Variants in CHST11 observed in about 807,000 individuals in gnomAD.
CHST11 encodes carbohydrate sulfotransferase 11.
CHST11 carries 9 observed loss-of-function variants against 30.4 expected under a neutral mutation model. That is an observed-to-expected ratio of 0.30 (90% CI 0.18 to 0.52). The LOEUF (loss-of-function observed/expected upper bound fraction) is 0.52. Among genes scored for constraint, CHST11 ranks in the 20% least tolerant of loss-of-function variants. The probability of loss-of-function intolerance (pLI) is 0.97; values close to 1 mark genes in which losing one functional copy is unlikely to be tolerated. For synonymous variants in CHST11, 152 were observed against 187.8 expected (o/e 0.81, Z 1.56); for missense variants, 348 against 460.6 (o/e 0.76, Z 2.24).
At chr12:104,719,702 G>A (rs1382693291) in intron 2 of CHST11, among the ~76,000 whole-genome samples, 1 of 152,194 alleles carries the variant, frequency 6.6e-6, no homozygotes, top group Non-Finnish European at 1.5e-5. Context: ...TTTATTTTCA[G>A]TGTTCTTCAG....
At chr12:104,588,471 G>A (rs1480769885) in intron 1 of CHST11, among the ~76,000 whole-genome samples, 2 of 152,210 alleles carry the variant, frequency 1.3e-5, no homozygotes, top group African/African-American at 4.8e-5. Context: ...TGCTCTGAGT[G>A]GGTTCCTGCA....
In CHST11 at chr12:104,595,697, G is replaced by A. The variant is rs2038901172; in HGVS notation, c.119-6209G>A. ...ACATGGACAGTTTTTGAGTGCCATG[G>A]ACCAGGCTAGTTGAGTGCCATGGAC... On this transcript the variant is annotated intron_variant, in intron 1 of 2. Coordinates refer to ENST00000303694, the MANE Select transcript of CHST11 (RefSeq NM_018413.6). Among the ~76,000 whole-genome samples the A allele has an allele frequency of 2.6e-5, 4 of 152,128 alleles. No homozygotes were observed. The South Asian group carries it at 8.3e-4, about 31-fold the overall frequency.
intron 2 of CHST11, among the ~76,000 whole-genome samples, chr12:104,735,024 C>T (rs1433920999): frequency 6.6e-6 from 1 of 152,202 alleles, no homozygotes; most frequent in African/African-American, 2.4e-5. Flanking sequence ...AGCTCCTGCT[C>T]TGGGGGCAGG....
chr12:104,599,546 A>G (rs1269972886), intron 1 of CHST11, among the ~76,000 whole-genome samples: 1 of 152,276 alleles, frequency 6.6e-6, no homozygotes, highest in African/African-American at 2.4e-5. Context: ...TTTGGTGGAA[A>G]TGAAAAATGA....
At chr12:104,604,733 G>C (rs1437538015) in intron 2 of CHST11, among the ~76,000 whole-genome samples, 2 of 152,154 alleles carry the variant, frequency 1.3e-5, no homozygotes, top group Non-Finnish European at 2.9e-5. Context: ...AAACCAAACT[G>C]CTCCCCGAGC....
intron 2 of CHST11, among the ~76,000 whole-genome samples, chr12:104,709,450 C>T (rs2040065751): frequency 6.6e-6 from 1 of 152,200 alleles, no homozygotes; most frequent in Non-Finnish European, 1.5e-5. Context: ...TAGTGATGCC[C>T]ACCATTGCAA....
At chr12:104,703,997 C>T (rs546931058) in intron 2 of CHST11, among the ~76,000 whole-genome samples, 3 of 152,270 alleles carry the variant, frequency 2.0e-5, no homozygotes, top group Admixed American at 6.5e-5. Flanking sequence ...GGGCCTGGTT[C>T]GTAGCTGATT....
chr12:104,669,089 G>A (rs956466942), intron 2 of CHST11, among the ~76,000 whole-genome samples: 18 of 152,212 alleles, frequency 1.2e-4, no homozygotes, highest in African/African-American at 3.9e-4. Flanking sequence ...ACTGCAGCGT[G>A]CGTTAGACGT....
At chr12:104,529,721 G>A (rs1390373097) in intron 1 of CHST11, among the ~76,000 whole-genome samples, 1 of 152,072 alleles carries the variant, frequency 6.6e-6, no homozygotes, top group Non-Finnish European at 1.5e-5. Flanking sequence ...GATATGGAAG[G>A]CATGGCTCTT....
intron 1 of CHST11, among the ~76,000 whole-genome samples, chr12:104,547,432 G>A (rs573885151): frequency 1.1e-4 from 16 of 152,272 alleles, no homozygotes; most frequent in Middle Eastern, 6.8e-3. Context: ...GTACTTCCCC[G>A]GCCAGTTAAC....
At chr12:104,742,011 A>T (rs1205274030) in intron 2 of CHST11, among the ~76,000 whole-genome samples, 1 of 152,154 alleles carries the variant, frequency 6.6e-6, no homozygotes, top group Admixed American at 6.5e-5. Flanking sequence ...TGCCCCCGGC[A>T]CTTGGGAAAC....
chr12:104,620,361 G>A (rs2039148314), intron 2 of CHST11, among the ~76,000 whole-genome samples: 1 of 152,220 alleles, frequency 6.6e-6, no homozygotes, highest in South Asian at 2.1e-4. Flanking sequence ...TACTAGGGGA[G>A]TTCAGAAGCA....
At chr12:104,484,106 G>A (rs973365312) in intron 1 of CHST11, among the ~76,000 whole-genome samples, 1 of 152,178 alleles carries the variant, frequency 6.6e-6, no homozygotes, top group Non-Finnish European at 1.5e-5. Context: ...AGATTAGATG[G>A]CATCATGGTC....
chr12:104,537,693 CTT>C (rs3039113), intron 1 of CHST11, among the ~76,000 whole-genome samples: 40 of 124,404 alleles, frequency 3.2e-4, no homozygotes, highest in East Asian at 7.2e-4. Context: ...TACCTCCCTG[CTT>C]TTTTTTTTTT....
rs149676628 is a variant in CHST11 at position 104,612,171 on chromosome 12, C to T, written c.204+10180C>T. ...TGATTGCATATTCACTGTAGTAGTT[C>T]GCTGGGGCTGCTGTAACAACATACC... On this transcript the variant is annotated intron_variant, in intron 2 of 2. Coordinates refer to ENST00000303694, the MANE Select transcript of CHST11 (RefSeq NM_018413.6). Among the ~76,000 whole-genome samples the T allele has an allele frequency of 2.1e-3, 315 of 152,314 alleles. 1 individual carries two copies. Among genetic ancestry groups the T allele is most frequent in the African/African-American group, 7.3e-3 (303 of 41,556 alleles).
In CHST11 at chr12:104,457,472, A is replaced by G; in HGVS notation, c.61A>G (p.Thr21Ala). 1.2e-6 allele frequency: 2 copies of G among 1,614,192 alleles called. No individual in the cohort carries two copies. Among genetic ancestry groups the G allele is most frequent in the Non-Finnish European group, 1.7e-6 (2 of 1,179,976 alleles). Residue 21 changes from threonine (T) to alanine (A), a missense_variant, in exon 1 of 3, where the codon ACT becomes GCT. Thr to Ala is a moderately conservative substitution (Grantham distance 58). This residue lies in a region of CHST11 where 135 missense variants were observed against 155.8 expected (regional missense o/e 0.87). Coordinates refer to ENST00000303694, the MANE Select transcript of CHST11 (RefSeq NM_018413.6). ...MNRICRMVLA[T>A]CLGSFILVIF... ...CAGAATCTGCCGGATGGTGCTGGCC[A>G]CTTGCTTGGGATCCTTTATCCTGGT...
intron 1 of CHST11, among the ~76,000 whole-genome samples, chr12:104,545,714 T>C (rs2038340262): frequency 6.6e-6 from 1 of 152,148 alleles, no homozygotes; most frequent in South Asian, 2.1e-4. Flanking sequence ...TGGCAGCTAG[T>C]TGGTTGTTAG....
chr12:104,680,992 C>G (rs2039790614), intron 2 of CHST11, among the ~76,000 whole-genome samples: 1 of 152,198 alleles, frequency 6.6e-6, no homozygotes, highest in Non-Finnish European at 1.5e-5. Flanking sequence ...ATAATAATAT[C>G]TACTTCAAAG....
rs897526866 is a variant in CHST11 at position 104,534,629 on chromosome 12, G to A, written c.119-67277G>A. Among the ~76,000 whole-genome samples the A allele has an allele frequency of 7.2e-5, 11 of 152,128 alleles. 1 individual carries two copies. Among genetic ancestry groups the A allele is most frequent in the South Asian group, 4.2e-4 (2 of 4,812 alleles). On this transcript the variant is annotated intron_variant, in intron 1 of 2. Transcript: ENST00000303694. ...AGGAGAGGCCACTGTCCTCTTTAATGTTTCCTCCCAGGAAGGAAGGATTCA... is the reference window on the plus strand; with the variant it reads ...AGGAGAGGCCACTGTCCTCTTTAATATTTCCTCCCAGGAAGGAAGGATTCA...
Sources: allele counts gnomAD v4.1 joint callset (sites outside exome capture counted in the v4.1 genomes callset), GRCh38; gene constraint gnomAD v4.1.1; regional missense constraint gnomAD v4.1.1; transcripts MANE v1.5; gene names NCBI Gene and HGNC (gene_info 2026-07-23, HGNC 2026-07-21).